MSRB3: variants seen among roughly 807,000 people sequenced by gnomAD.
MSRB3 encodes the protein methionine-R-sulfoxide reductase B3.
A neutral mutation model predicts 21.0 loss-of-function variants in MSRB3; 13 were observed. That is an observed-to-expected ratio of 0.62 (90% CI 0.40 to 0.98). The LOEUF is 0.98. Among genes scored for constraint, MSRB3 ranks in the 50% least tolerant of loss-of-function variants. The pLI is 0.00. For synonymous variants in MSRB3, 87 were observed against 88.6 expected, an observed-to-expected ratio of 0.98 and a Z score of 0.10; for missense variants, 199 against 230.3, an observed-to-expected ratio of 0.86 and a Z score of 0.88.
intron 1 of MSRB3, among the ~76,000 whole-genome samples, chr12:65,303,345 T>G (rs1397479514): frequency 6.6e-6 from 1 of 152,190 alleles, no homozygotes; most frequent in Non-Finnish European, 1.5e-5. Context: ...AGATTAACTT[T>G]AATCAAATTT....
At chr12:65,401,079 A>G (rs889345662) in intron 5 of MSRB3, among the ~76,000 whole-genome samples, 3 of 152,158 alleles carry the variant, frequency 2.0e-5, no homozygotes, top group African/African-American at 7.2e-5. Context: ...AGAAGAATGT[A>G]TATTCTGTTG....
chr12:65,419,650 C>G, intron 5 of MSRB3: 1 of 710,864 alleles, frequency 1.4e-6, no homozygotes, highest in Non-Finnish European at 2.6e-6. Flanking sequence ...GACCCAGTCT[C>G]TGACCTGGGG....
intron 5 of MSRB3, among the ~76,000 whole-genome samples, chr12:65,436,900 T>C (rs918931574): frequency 1.3e-5 from 2 of 151,942 alleles, no homozygotes; most frequent in Admixed American, 6.6e-5. Flanking sequence ...CGGTGCACAG[T>C]AAAGTGGCCT....
rs868787126 is a variant in MSRB3, at chr12:65,420,043, G to A, written c.293-33685G>A. 19 of 539,744 alleles carry A rather than the reference G, an allele frequency of 3.5e-5. No homozygotes were observed. In the East Asian group the frequency reaches 6.1e-4, roughly 17 times the overall value. 33.4% of individuals were successfully genotyped at this position (539,744 alleles called of 1,614,324 possible). ...GCTCATGCTGTCTGGGGAAGAGAGC[G>A]GGAAGAGAGGACTCAGGCTTTGCTG... On this transcript the variant is annotated intron_variant, in intron 5 of 6. Coordinates refer to ENST00000308259, the MANE Select transcript of MSRB3 (RefSeq NM_001031679.3).
intron 6 of MSRB3, among the ~76,000 whole-genome samples, chr12:65,460,493 G>A (rs1383533225): frequency 6.6e-6 from 1 of 152,220 alleles, no homozygotes; most frequent in African/African-American, 2.4e-5. Flanking sequence ...GGGCGGGGAT[G>A]TATGTGGTGC....
At position 65,326,912 on chromosome 12, in the gene MSRB3, A is replaced by G. The variant is rs1875081581; in HGVS notation, c.163A>G (p.Thr55Ala). The change falls in exon 3 of 7, where the codon ACT (threonine) becomes GCT (alanine). Residue 55 changes from threonine (T) to alanine (A), a missense_variant. Physicochemically the swap from Thr to Ala is moderately conservative, Grantham distance 58. Transcript: ENST00000308259. ...GCTAACACCCCTGCAGTACCATGTC[A>G]CTCAGGAGAAAGGGACCGAAAGGTA... ...KRLTPLQYHVTQEKGTESAFE... is the reference protein window; with the variant it reads ...KRLTPLQYHVAQEKGTESAFE... 1 of 1,613,544 alleles carries G rather than the reference A, an allele frequency of 6.2e-7. No individual in the cohort carries two copies.
At chr12:65,346,081 A>G (rs1405212197) in intron 4 of MSRB3, among the ~76,000 whole-genome samples, 6 of 152,186 alleles carry the variant, frequency 3.9e-5, no homozygotes, top group South Asian at 2.1e-4. Context: ...ATGTTTTATA[A>G]TCCTTTGGGT....
chr12:65,446,004 G>A (rs1422940938), intron 5 of MSRB3, among the ~76,000 whole-genome samples: 1 of 152,128 alleles, frequency 6.6e-6, no homozygotes, highest in South Asian at 2.1e-4. Context: ...GCTGAATGAA[G>A]CATGGGAGAA....
intron 4 of MSRB3, among the ~76,000 whole-genome samples, chr12:65,329,729 A>T (rs1424641384): frequency 6.6e-6 from 1 of 152,180 alleles, no homozygotes. Flanking sequence ...CAAGGATCTG[A>T]TACTTGTAGC....
intron 5 of MSRB3, chr12:65,418,735 A>C (rs1881113345): frequency 5.5e-6 from 5 of 904,320 alleles, no homozygotes; most frequent in Non-Finnish European, 7.3e-6. Context: ...ATGTCTCAGA[A>C]CTTTGGTGTC....
chr12:65,360,475 G>T (rs535741797), intron 4 of MSRB3, among the ~76,000 whole-genome samples: 288 of 152,216 alleles, frequency 1.9e-3, no homozygotes, highest in African/African-American at 6.3e-3. Context: ...GGGAAGAATT[G>T]TAGAAGCTGG....
At chr12:65,425,114 T>C (rs866087906) in intron 5 of MSRB3, among the ~76,000 whole-genome samples, 84 of 148,826 alleles carry the variant, frequency 5.6e-4, no homozygotes, top group African/African-American at 2.1e-3. Context: ...ATAATGGCCT[T>C]CTTTGTCTCA....
At chr12:65,312,474 G>A (rs149788079) in intron 2 of MSRB3, among the ~76,000 whole-genome samples, 31 of 152,138 alleles carry the variant, frequency 2.0e-4, no homozygotes, top group African/African-American at 7.0e-4. Flanking sequence ...TATCATGATA[G>A]CTTTCAGCCA....
intron 4 of MSRB3, among the ~76,000 whole-genome samples, chr12:65,343,073 AAACACTG>A (rs1203314358): frequency 1.3e-5 from 2 of 152,130 alleles, no homozygotes; most frequent in African/African-American, 4.8e-5. Flanking sequence ...AATGTGTTAC[AAACACTG>A]AACAATTTAT....
At chr12:65,431,970 G>A (rs1416980747) in intron 5 of MSRB3, among the ~76,000 whole-genome samples, 1 of 151,908 alleles carries the variant, frequency 6.6e-6, no homozygotes, top group Non-Finnish European at 1.5e-5. Context: ...TTCGGAAGTT[G>A]GTTATTAGGA....
At chr12:65,390,321 A>C (rs1412068501) in intron 5 of MSRB3, among the ~76,000 whole-genome samples, 4 of 151,978 alleles carry the variant, frequency 2.6e-5, no homozygotes, top group African/African-American at 9.7e-5. Flanking sequence ...TCCTCTTTCC[A>C]CTGGAATTAA....
intron 5 of MSRB3, among the ~76,000 whole-genome samples, chr12:65,421,686 G>GT (rs776272647): frequency 1.1e-4 from 17 of 152,238 alleles, no homozygotes; most frequent in East Asian, 1.9e-4. Flanking sequence ...TGCTGAGGAA[G>GT]TTTTTTTACC....
At chr12:65,380,263 C>A (rs527270323) in intron 5 of MSRB3, among the ~76,000 whole-genome samples, 1 of 152,134 alleles carries the variant, frequency 6.6e-6, no homozygotes, top group Non-Finnish European at 1.5e-5. Flanking sequence ...AGTAAGTAAA[C>A]CAACTTGCCA....
intron 4 of MSRB3, among the ~76,000 whole-genome samples, chr12:65,350,811 G>A (rs1876923121): frequency 7.0e-6 from 1 of 142,346 alleles, no homozygotes; most frequent in Non-Finnish European, 1.5e-5. Context: ...GATTCATAAA[G>A]CAAGTCCTGA....
Sources: gnomAD v4.1 joint callset for allele counts (sites outside exome capture counted in the v4.1 genomes callset) on GRCh38, gnomAD v4.1.1 for gene constraint, MANE v1.5 for transcripts, NCBI Gene and HGNC (gene_info 2026-07-23, HGNC 2026-07-21) for gene names.